The following NALCN variants were observed in gnomAD, a reference collection of about 807,000 sequenced individuals.
NALCN encodes sodium leak channel NALCN.
In NALCN, 111 loss-of-function variants were observed where a neutral mutation model predicts 225.3. The observed-to-expected ratio is 0.49, with a 90% CI of 0.42 to 0.58. The LOEUF (loss-of-function observed/expected upper bound fraction) is 0.58, where lower values mean the gene tolerates loss of function less well. Ranked by LOEUF, NALCN falls within the 20% of genes least tolerant of loss-of-function variation. The pLI, the probability that NALCN is intolerant of heterozygous loss-of-function variation, is 0.00. For missense variants in NALCN, 1,378 were observed against 2,202.4 expected (o/e 0.63, Z 7.49); for synonymous variants, 764 against 769.0 (o/e 0.99, Z 0.11).
chr13:101,166,358 A>G (rs2038438869), intron 15 of NALCN, among the ~76,000 whole-genome samples: 1 of 151,620 alleles, frequency 6.6e-6, no homozygotes, highest in Non-Finnish European at 1.5e-5. Flanking sequence ...TTACATTCTC[A>G]TCAACAAAGT....
intron 17 of NALCN, among the ~76,000 whole-genome samples, chr13:101,129,445 T>C (rs1402548861): frequency 1.3e-5 from 2 of 152,220 alleles, no homozygotes; most frequent in African/African-American, 4.8e-5. Context: ...GGTCAGTCTG[T>C]AGGTTCTTTT....
intron 17 of NALCN, among the ~76,000 whole-genome samples, chr13:101,136,943 T>C (rs560339858): frequency 6.6e-6 from 1 of 152,326 alleles, no homozygotes; most frequent in South Asian, 2.1e-4. Flanking sequence ...TTCCTATTTC[T>C]CCACATCCTC....
chr13:101,360,393 C>A (rs1487831909), intron 6 of NALCN, among the ~76,000 whole-genome samples: 5 of 151,956 alleles, frequency 3.3e-5, no homozygotes, highest in Admixed American at 6.6e-5. Flanking sequence ...GTACCATTCC[C>A]AGCTATTTCT....
chr13:101,391,009 T>C (rs998382622), intron 3 of NALCN, among the ~76,000 whole-genome samples: 2 of 151,944 alleles, frequency 1.3e-5, no homozygotes, highest in African/African-American at 4.8e-5. Flanking sequence ...TGTATACATA[T>C]GTAACAAACC....
chr13:101,151,403 T>C (rs1440860689), intron 15 of NALCN, among the ~76,000 whole-genome samples: 2 of 152,262 alleles, frequency 1.3e-5, no homozygotes, highest in Non-Finnish European at 2.9e-5. Context: ...TTTTTTGGTA[T>C]GATTTCCCAA....
intron 15 of NALCN, among the ~76,000 whole-genome samples, chr13:101,174,949 T>A (rs972805554): frequency 6.6e-6 from 1 of 152,184 alleles, no homozygotes; most frequent in Non-Finnish European, 1.5e-5. Flanking sequence ...AGCAGCAGAT[T>A]TTTATTGATC....
At chr13:101,153,994 C>A (rs1408881339) in intron 15 of NALCN, among the ~76,000 whole-genome samples, 4 of 152,182 alleles carry the variant, frequency 2.6e-5, no homozygotes, top group Non-Finnish European at 5.9e-5. Context: ...CCCATGCCTG[C>A]AATACACTTA....
intron 20 of NALCN, among the ~76,000 whole-genome samples, chr13:101,108,777 A>T (rs1037909820): frequency 2.0e-5 from 3 of 152,224 alleles, no homozygotes; most frequent in Non-Finnish European, 2.9e-5. Context: ...CCAGTAACTC[A>T]GTAGATTTTA....
intron 6 of NALCN, among the ~76,000 whole-genome samples, chr13:101,376,339 T>C (rs2046688269): frequency 6.6e-6 from 1 of 152,016 alleles, no homozygotes; most frequent in Non-Finnish European, 1.5e-5. Flanking sequence ...TCTTGAATAC[T>C]TGTCTTTAAA....
intron 15 of NALCN, among the ~76,000 whole-genome samples, chr13:101,164,046 CAT>C (rs1271898889): frequency 6.6e-6 from 1 of 152,070 alleles, no homozygotes; most frequent in East Asian, 1.9e-4. Flanking sequence ...GGACAACAGT[CAT>C]ATTGAGTCCA....
intron 6 of NALCN, among the ~76,000 whole-genome samples, chr13:101,374,271 T>TA (rs1566627954): frequency 1.3e-5 from 2 of 149,330 alleles, no homozygotes; most frequent in East Asian, 3.9e-4. Context: ...TAAATTTCTT[T>TA]CTTTTTTTTT....
chr13:101,371,893 G>A (rs1337793500), intron 6 of NALCN, among the ~76,000 whole-genome samples: 1 of 152,178 alleles, frequency 6.6e-6, no homozygotes, highest in Non-Finnish European at 1.5e-5. Context: ...CTAAGAATTT[G>A]TCATGTGCTC....
intron 26 of NALCN, among the ~76,000 whole-genome samples, chr13:101,102,916 C>G (rs886468225): frequency 6.6e-6 from 1 of 152,098 alleles, no homozygotes; most frequent in Non-Finnish European, 1.5e-5. Flanking sequence ...AGGTTAGTAC[C>G]GAAAGAGTCA....
At chr13:101,342,412 T>G (rs567183363) in intron 7 of NALCN, among the ~76,000 whole-genome samples, 1 of 152,164 alleles carries the variant, frequency 6.6e-6, no homozygotes. Context: ...AAAGCAGTTG[T>G]GTCCCCTCCA....
At chr13:101,283,561 G>A (rs2043239491) in intron 10 of NALCN, among the ~76,000 whole-genome samples, 1 of 152,100 alleles carries the variant, frequency 6.6e-6, no homozygotes, top group Admixed American at 6.6e-5. Flanking sequence ...GAGAGACTAT[G>A]TATTAACATA....
chr13:101,089,451 A>C lies in NALCN; in HGVS notation c.3489+212T>G, dbSNP rs1010881356. On this transcript the variant is annotated intron_variant, in intron 30 of 43. Coordinates refer to ENST00000251127, the MANE Select transcript of NALCN (RefSeq NM_052867.4). This position sits in a 1 kb window ranked among gnomAD's most constrained non-coding sequence, Gnocchi z 4.7. ...TCGGTGAATTAATGACACTGTTACC[A>C]AAAGGGTAAATTTAGCAAGAGAACT... is the stretch of plus-strand genomic sequence containing the variant. Among the ~76,000 whole-genome samples the C allele has an allele frequency of 1.3e-5, 2 of 152,256 alleles. No individual in the cohort carries two copies. The highest frequency in any genetic ancestry group is 6.5e-5 in the Admixed American group (1 of 15,284).
intron 7 of NALCN, among the ~76,000 whole-genome samples, chr13:101,343,245 G>A (rs894375040): frequency 6.6e-6 from 1 of 151,946 alleles, no homozygotes; most frequent in African/African-American, 2.4e-5. Context: ...AAATTATAAC[G>A]ACCATTTAAA....
intron 13 of NALCN, among the ~76,000 whole-genome samples, chr13:101,225,498 C>T (rs2140121214): frequency 6.6e-6 from 1 of 152,280 alleles, no homozygotes; most frequent in East Asian, 1.9e-4. Flanking sequence ...GACTGGCCAA[C>T]TCCTTAACAT....
At chr13:101,230,406 C>T (rs775868087) in intron 12 of NALCN, among the ~76,000 whole-genome samples, 1 of 152,186 alleles carries the variant, frequency 6.6e-6, no homozygotes, top group Non-Finnish European at 1.5e-5. Flanking sequence ...CTTTAAAAAA[C>T]AGAACTTTCC....
Sources: gnomAD v4.1 joint callset for allele counts (sites outside exome capture counted in the v4.1 genomes callset) on GRCh38, gnomAD v4.1.1 for gene constraint, Gnocchi (gnomAD v3.1) non-coding constraint, MANE v1.5 for transcripts, NCBI Gene and HGNC (gene_info 2026-07-23, HGNC 2026-07-21) for gene names.